SLC45A2: variants seen among roughly 807,000 people sequenced by gnomAD.
SLC45A2 encodes solute carrier family 45 member 2, also known as membrane-associated transporter protein.
Under a neutral mutation model 45.5 loss-of-function variants are expected in SLC45A2, and 36 were observed. The observed-to-expected ratio is 0.79, with a 90% confidence interval of 0.61 to 1.04. SLC45A2 has a LOEUF of 1.04. Among genes scored for constraint, SLC45A2 ranks in the 50% least tolerant of loss-of-function variants. The pLI, the probability that SLC45A2 is intolerant of heterozygous loss-of-function variation, is 0.00. For synonymous variants in SLC45A2, 306 were observed against 269.3 expected (o/e 1.14, Z -1.33); for missense variants, 719 against 671.0 (o/e 1.07, Z -0.79).
intron 2 of SLC45A2, among the ~76,000 whole-genome samples, chr5:33,980,611 C>T (rs1233837607): frequency 1.3e-5 from 2 of 152,214 alleles, no homozygotes; most frequent in African/African-American, 4.8e-5. Flanking sequence ...GCAGCAGACA[C>T]TTCCAGGAAC....
chr5:33,968,052 A>T (rs1173140700), intron 2 of SLC45A2, among the ~76,000 whole-genome samples: 2 of 152,120 alleles, frequency 1.3e-5, no homozygotes, highest in African/African-American at 4.8e-5. Context: ...ATAGTACAAC[A>T]CGACATGCCA....
At chr5:33,945,740 C>T (rs1751903092) in intron 6 of SLC45A2, 1 of 160,908 alleles carries the variant, frequency 6.2e-6, no homozygotes, top group Non-Finnish European at 1.3e-5. Context: ...TTTCCATTTG[C>T]CTCATGAGGA....
intron 2 of SLC45A2, among the ~76,000 whole-genome samples, chr5:33,976,599 G>A (rs1251604057): frequency 6.6e-6 from 1 of 152,140 alleles, no homozygotes; most frequent in Non-Finnish European, 1.5e-5. Context: ...GGGGTGAGGG[G>A]GGTGGGGGAG....
intron 3 of SLC45A2, among the ~76,000 whole-genome samples, chr5:33,961,399 T>A (rs1752451322): frequency 6.6e-6 from 1 of 152,150 alleles, no homozygotes; most frequent in African/African-American, 2.4e-5. Context: ...ACTTTATTTC[T>A]AAAGTTACAA....
chr5:33,979,008 T>C (rs961269754), intron 2 of SLC45A2, among the ~76,000 whole-genome samples: 2 of 152,236 alleles, frequency 1.3e-5, no homozygotes, highest in African/African-American at 4.8e-5. Flanking sequence ...AGGGATATAT[T>C]GTCTGAAACT....
chr5:33,977,005 G>A (rs751017468), intron 2 of SLC45A2, among the ~76,000 whole-genome samples: 8 of 152,120 alleles, frequency 5.3e-5, no homozygotes, highest in East Asian at 1.9e-4. Flanking sequence ...TGTATTTGTC[G>A]ACAAGGCCTT....
At chr5:33,984,083 G>T in intron 1 of SLC45A2, 116 bp downstream of exon 1, 1 of 1,457,970 alleles carries the variant, frequency 6.9e-7, no homozygotes, top group South Asian at 1.2e-5. Flanking sequence ...TGTAACCTAG[G>T]AGAGATCAAT....
At chr5:33,961,771 TCTGTTCCTGTAC>T (rs1752465408) in intron 3 of SLC45A2, among the ~76,000 whole-genome samples, 1 of 152,180 alleles carries the variant, frequency 6.6e-6, no homozygotes, top group Non-Finnish European at 1.5e-5. Flanking sequence ...GCCAAGGAAC[TCTGTTCCTGTAC>T]CTGTTCCTGC....
intron 2 of SLC45A2, chr5:33,971,303 C>T (rs1198896512): frequency 3.8e-6 from 2 of 519,756 alleles, no homozygotes; most frequent in African/African-American, 1.9e-5. Context: ...TGAGGGGTTA[C>T]CACTTACAAA....
intron 2 of SLC45A2, among the ~76,000 whole-genome samples, chr5:33,971,717 T>G (rs1363092455): frequency 6.6e-6 from 1 of 152,096 alleles, no homozygotes; most frequent in Non-Finnish European, 1.5e-5. Flanking sequence ...ACCTCCACCT[T>G]CTGGGTTCAA....
At chr5:33,953,449 T>C (rs1234644300) in intron 4 of SLC45A2, among the ~76,000 whole-genome samples, 1 of 151,714 alleles carries the variant, frequency 6.6e-6, no homozygotes. Context: ...TGGCCAGTGA[T>C]GATGAGCATT....
At chr5:33,971,467 C>T (rs879940022) in intron 2 of SLC45A2, 9 of 401,232 alleles carry the variant, frequency 2.2e-5, no homozygotes, top group South Asian at 1.6e-4. Flanking sequence ...GAGACAGGGT[C>T]TCACTCTATT....
chr5:33,967,811 CACACACACACACACACA>C (rs1752645145), intron 2 of SLC45A2, among the ~76,000 whole-genome samples: 1 of 150,282 alleles, frequency 6.7e-6, no homozygotes, highest in Non-Finnish European at 1.5e-5. Flanking sequence ...CACACACACA[CACACACACACACACACA>C]CATTTCCTGC....
At chr5:33,982,132 C>G in intron 2 of SLC45A2, 104 bp downstream of exon 2, 1 of 1,301,076 alleles carries the variant, frequency 7.7e-7, no homozygotes. Flanking sequence ...ATCAGCTGAC[C>G]CGTTCATTCA....
intron 2 of SLC45A2, among the ~76,000 whole-genome samples, chr5:33,978,047 C>T (rs1474928907): frequency 6.6e-6 from 1 of 152,148 alleles, no homozygotes; most frequent in East Asian, 1.9e-4. Flanking sequence ...ATTCTAAGGC[C>T]TCCAACTGAC....
At chr5:33,960,772 T>A (rs537098517) in intron 3 of SLC45A2, among the ~76,000 whole-genome samples, 18 of 152,048 alleles carry the variant, frequency 1.2e-4, no homozygotes, top group South Asian at 2.1e-4. Flanking sequence ...ACATTTTTTT[T>A]AAAAAAAGGG....
intron 3 of SLC45A2, among the ~76,000 whole-genome samples, chr5:33,959,175 C>T (rs907384773): frequency 4.6e-5 from 7 of 151,934 alleles, no homozygotes; most frequent in Non-Finnish European, 7.4e-5. Flanking sequence ...TTGTATATTT[C>T]CTTTCCATTT....
At chr5:33,973,845 G>T (rs1308962215) in intron 2 of SLC45A2, among the ~76,000 whole-genome samples, 1 of 47,976 alleles carries the variant, frequency 2.1e-5, no homozygotes, top group Non-Finnish European at 8.4e-5. Context: ...GGTTCATTGT[G>T]CTGTGCCTGT....
intron 2 of SLC45A2, among the ~76,000 whole-genome samples, chr5:33,978,374 A>G (rs1244787383): frequency 6.6e-6 from 1 of 152,150 alleles, no homozygotes; most frequent in Admixed American, 6.5e-5. Flanking sequence ...CTGCAAAGCC[A>G]TCTTTTGTGG....
Sources: gnomAD v4.1 joint callset for allele counts (sites outside exome capture counted in the v4.1 genomes callset) on GRCh38, gnomAD v4.1.1 for gene constraint, MANE v1.5 for transcripts, NCBI Gene and HGNC (gene_info 2026-07-23, HGNC 2026-07-21) for gene names.